Variants in KCNH7 observed in about 807,000 individuals in gnomAD.
KCNH7 encodes the protein voltage-gated inwardly rectifying potassium channel KCNH7.
KCNH7 carries 49 observed loss-of-function variants against 120.8 expected under a neutral mutation model. The observed-to-expected ratio is 0.41, with a 90% confidence interval of 0.32 to 0.51. The LOEUF is 0.51. Ranked by LOEUF, KCNH7 falls within the 20% of genes least tolerant of loss-of-function variation. The pLI is 0.38. For synonymous variants in KCNH7, 547 were observed against 516.1 expected (o/e 1.06, Z -0.81); for missense variants, 1,097 against 1,446.6 (o/e 0.76, Z 3.92).
intron 2 of KCNH7, among the ~76,000 whole-genome samples, chr2:162,777,489 G>A (rs1574375777): frequency 6.6e-6 from 1 of 152,226 alleles, no homozygotes; most frequent in African/African-American, 2.4e-5. Context: ...GATACAGAGT[G>A]CTGACTGTAC....
At chr2:162,819,095 C>A (rs1685012965) in intron 2 of KCNH7, among the ~76,000 whole-genome samples, 1 of 151,998 alleles carries the variant, frequency 6.6e-6, no homozygotes, top group Non-Finnish European at 1.5e-5. Context: ...TTAAAGGAGA[C>A]TAAAGAGACA....
intron 2 of KCNH7, among the ~76,000 whole-genome samples, chr2:162,828,247 A>G (rs9646728): frequency 0.6 from 91,236 of 151,918 alleles, 28,391 homozygotes; most frequent in South Asian, 0.84. Context: ...CCTTAAGATT[A>G]TGTTACAACA....
chr2:162,376,319 A>T (rs1007499074), intron 14 of KCNH7, among the ~76,000 whole-genome samples: 1 of 151,856 alleles, frequency 6.6e-6, no homozygotes, highest in Non-Finnish European at 1.5e-5. Context: ...AGGAATCATT[A>T]CTAACAATTT....
chr2:162,471,566 C>A (rs1187964376), intron 6 of KCNH7, among the ~76,000 whole-genome samples: 2 of 152,050 alleles, frequency 1.3e-5, no homozygotes, highest in Non-Finnish European at 2.9e-5. Context: ...GAAATACAAA[C>A]CACTGTTCAA....
intron 2 of KCNH7, chr2:162,795,657 G>A (rs1684119620): frequency 6.6e-6 from 1 of 152,076 alleles, no homozygotes; most frequent in South Asian, 2.1e-4. Flanking sequence ...TGATTATACT[G>A]AAGTATGTAA....
rs80095601 is a variant in KCNH7 at position 162,528,806 on chromosome 2, A to G, written c.463+8119T>C. Among the ~76,000 whole-genome samples, 789 of 152,126 alleles carry G rather than the reference A, an allele frequency of 5.2e-3. 11 individuals carry two copies. The highest frequency in any genetic ancestry group is 0.018 in the African/African-American group (747 of 41,550). ...AATTGTGAGACTATTATATCAGTCC[A>G]AGAAAGATGTGTTGAGGGTCTGAAT... On this transcript the variant is annotated intron_variant, in intron 3 of 15. Transcript: ENST00000332142.
chr2:162,821,477 G>A (rs1308012647), intron 2 of KCNH7, among the ~76,000 whole-genome samples: 1 of 152,194 alleles, frequency 6.6e-6, no homozygotes, highest in Non-Finnish European at 1.5e-5. Context: ...ACAAGAATGA[G>A]TGGCTACATT....
At chr2:162,752,719 T>C (rs1688597918) in intron 2 of KCNH7, among the ~76,000 whole-genome samples, 1 of 151,164 alleles carries the variant, frequency 6.6e-6, no homozygotes, top group Non-Finnish European at 1.5e-5. Context: ...GACAACATGG[T>C]GAAACCCCAT....
At chr2:162,398,281 T>A (rs1034423447) in intron 10 of KCNH7, among the ~76,000 whole-genome samples, 13 of 151,858 alleles carry the variant, frequency 8.6e-5, no homozygotes, top group Admixed American at 7.2e-4. Context: ...GACTTTTAAG[T>A]AATAAGGTTC....
At chr2:162,518,584 G>A (rs1229347386) in intron 3 of KCNH7, among the ~76,000 whole-genome samples, 1 of 151,746 alleles carries the variant, frequency 6.6e-6, no homozygotes, top group Admixed American at 6.6e-5. Flanking sequence ...ATGGGTGATG[G>A]GGAGCTAATG....
At chr2:162,455,793 T>C (rs1291188845) in intron 6 of KCNH7, among the ~76,000 whole-genome samples, 3 of 152,310 alleles carry the variant, frequency 2.0e-5, no homozygotes, top group East Asian at 3.9e-4. Flanking sequence ...ATCCCCTTTA[T>C]CATTTTTTTA....
chr2:162,578,978 G>A (rs1030046179), intron 2 of KCNH7, among the ~76,000 whole-genome samples: 2 of 151,008 alleles, frequency 1.3e-5, no homozygotes, highest in African/African-American at 4.9e-5. Context: ...TTATGTCTAC[G>A]CATCTACTGA....
At chr2:162,744,943 C>T (rs1427097379) in intron 2 of KCNH7, among the ~76,000 whole-genome samples, 8 of 152,182 alleles carry the variant, frequency 5.3e-5, no homozygotes, top group Non-Finnish European at 1.2e-4. Flanking sequence ...CCTGCTGATA[C>T]TCAGACACCA....
rs191715659 is a variant in KCNH7, at chr2:162,779,261, C to T, written c.307+57276G>A. 5.1e-3 allele frequency among the ~76,000 whole-genome samples: 781 copies of T among 152,012 alleles called. 1 individual carries two copies. The highest frequency in any genetic ancestry group is 0.013 in the South Asian group (64 of 4,808). ...TGTTGCCCAGGCTGGAGTACAGTGG[C>T]GTAATCTCGGCTCACTGCAACCTCC... On this transcript the variant is annotated intron_variant, in intron 2 of 15. Coordinates refer to ENST00000332142, the MANE Select transcript of KCNH7 (RefSeq NM_033272.4).
Position 162,394,370 on chromosome 2 carries a change from T to C in KCNH7, c.2710+19A>G, listed in dbSNP as rs779133607. The stretch of plus-strand genomic sequence containing the variant: ...TACCACATGCTCTACATTTAAACTT[T>C]AGGAATGGAATGAATTACCTTTCTC... On this transcript the variant is annotated intron_variant, in intron 12 of 15. Transcript: ENST00000332142. 354 of 1,349,862 alleles carry C rather than the reference T, an allele frequency of 2.6e-4. No individual in the cohort carries two copies. Among genetic ancestry groups the C allele is most frequent in the African/African-American group, 5.7e-5 (4 of 69,618 alleles). 83.6% of individuals were successfully genotyped at this position (1,349,862 alleles called of 1,614,324 possible). A position where few individuals can be genotyped will look rare whatever the true frequency, so the allele number is the denominator to read the frequency against.
At chr2:162,431,640 C>G (rs1045480511) in intron 8 of KCNH7, among the ~76,000 whole-genome samples, 3 of 151,666 alleles carry the variant, frequency 2.0e-5, no homozygotes, top group African/African-American at 7.3e-5. Context: ...GTGTATAGAA[C>G]CAAGTCTTAT....
intron 2 of KCNH7, among the ~76,000 whole-genome samples, chr2:162,554,258 C>A (rs1692782404): frequency 6.6e-6 from 1 of 152,146 alleles, no homozygotes; most frequent in Non-Finnish European, 1.5e-5. Context: ...CTTTTTACTT[C>A]TTAAGAATAA....
intron 11 of KCNH7, among the ~76,000 whole-genome samples, chr2:162,395,674 T>C (rs1316034907): frequency 6.6e-6 from 1 of 151,762 alleles, no homozygotes; most frequent in Non-Finnish European, 1.5e-5. Flanking sequence ...TCTTAATAAC[T>C]AGAATCTTTT....
intron 2 of KCNH7, among the ~76,000 whole-genome samples, chr2:162,597,707 C>T (rs908350338): frequency 1.3e-5 from 2 of 151,998 alleles, no homozygotes; most frequent in Non-Finnish European, 2.9e-5. Context: ...AATGTTCTCA[C>T]TGCAAAGAAA....
Sources: allele counts gnomAD v4.1 joint callset (sites outside exome capture counted in the v4.1 genomes callset), GRCh38; gene constraint gnomAD v4.1.1; transcripts MANE v1.5; gene names NCBI Gene and HGNC (gene_info 2026-07-23, HGNC 2026-07-21).